The following SOAT1 variants were observed in gnomAD, a reference collection of about 807,000 sequenced individuals.
The protein encoded by SOAT1 is sterol O-acyltransferase 1, also known as acyl-coenzyme A:cholesterol acyltransferase 1.
SOAT1 carries 55 observed loss-of-function variants against 69.5 expected under a neutral mutation model. The observed-to-expected ratio is 0.79, with a 90% CI of 0.64 to 0.99. The LOEUF (loss-of-function observed/expected upper bound fraction) is 0.99, where lower values mean the gene tolerates loss of function less well. SOAT1 is among the 50% of genes least tolerant of loss of function. The pLI, the probability that SOAT1 is intolerant of heterozygous loss-of-function variation, is 0.00. For synonymous variants in SOAT1, 231 were observed against 224.7 expected (o/e 1.03, Z -0.25); for missense variants, 580 against 669.3 (o/e 0.87, Z 1.47).
chr1:179,353,345 G>C (rs1666813197), intron 15 of SOAT1, among the ~76,000 whole-genome samples: 1 of 149,060 alleles, frequency 6.7e-6, no homozygotes, highest in South Asian at 2.1e-4. Flanking sequence ...ACACAATTGT[G>C]TATAGTTTAC....
At chr1:179,294,036 C>G (rs796821137) in intron 1 of SOAT1, 100 bp downstream of exon 1, 19 of 147,244 alleles carry the variant, frequency 1.3e-4, no homozygotes, top group African/African-American at 4.7e-4. Flanking sequence ...AGCTCCGGCC[C>G]GGCCTTGTCC....
At chr1:179,320,066 A>G (rs546896283) in intron 2 of SOAT1, among the ~76,000 whole-genome samples, 1 of 152,252 alleles carries the variant, frequency 6.6e-6, no homozygotes, top group African/African-American at 2.4e-5. Context: ...AGTGACTTAA[A>G]TTTTGATAGA....
intron 3 of SOAT1, among the ~76,000 whole-genome samples, chr1:179,326,750 G>T (rs1013456103): frequency 6.6e-5 from 10 of 151,868 alleles, no homozygotes; most frequent in Non-Finnish European, 1.3e-4. Context: ...TAGAGGTGGG[G>T]TTTCACCATG....
At chr1:179,320,820 C>T (rs1294288988) in intron 2 of SOAT1, among the ~76,000 whole-genome samples, 1 of 152,080 alleles carries the variant, frequency 6.6e-6, no homozygotes, top group East Asian at 1.9e-4. Flanking sequence ...ACTGCAGCTT[C>T]CACCTCCCAG....
rs1041027527 is a variant in SOAT1, at chr1:179,302,923, T to A, written c.118+121T>A. ...GTAAATGGGTATTGATAGAGTTTTA[T>A]ATGTCTAGTAACAAAGCAATTAGAC... On this transcript the variant is annotated intron_variant, in intron 2 of 15. Coordinates refer to ENST00000367619, the MANE Select transcript of SOAT1 (RefSeq NM_003101.6). 10 of 530,752 alleles carry A rather than the reference T, an allele frequency of 1.9e-5. No homozygotes were observed. The African/African-American group carries it at 2.0e-4, about 10-fold the overall frequency. The allele number at this position is 530,752 out of a possible 1,614,324, so 32.9% of individuals were successfully genotyped here. A position where few individuals can be genotyped will look rare whatever the true frequency, so the allele number is the denominator to read the frequency against.
At chr1:179,352,147 T>C (rs1052042980) in intron 15 of SOAT1, among the ~76,000 whole-genome samples, 2 of 152,016 alleles carry the variant, frequency 1.3e-5, no homozygotes, top group Non-Finnish European at 2.9e-5. Context: ...CTGAGATCCT[T>C]CCATTTCTCT....
chr1:179,332,875 T>A (rs907555292), intron 3 of SOAT1, among the ~76,000 whole-genome samples: 12 of 152,186 alleles, frequency 7.9e-5, no homozygotes, highest in African/African-American at 4.8e-5. Context: ...CTCGTTATTG[T>A]CATCACTGCT....
chr1:179,298,336 C>T (rs1370662788), intron 1 of SOAT1, among the ~76,000 whole-genome samples: 1 of 152,124 alleles, frequency 6.6e-6, no homozygotes, highest in Admixed American at 6.5e-5. Context: ...GATCTGCCCA[C>T]CTCGGCCTCC....
intron 1 of SOAT1, among the ~76,000 whole-genome samples, chr1:179,294,564 G>A (rs573025897): frequency 1.3e-5 from 2 of 152,282 alleles, no homozygotes; most frequent in African/African-American, 2.4e-5. Flanking sequence ...ACGGAGTCTC[G>A]CTGTGTCGCA....
chr1:179,342,824 A>G, intron 8 of SOAT1, 38 bp from the exon 9 acceptor site: 1 of 1,489,274 alleles, frequency 6.7e-7, no homozygotes, highest in Non-Finnish European at 9.4e-7. Context: ...GTGAAAAATC[A>G]AAGAGCCTTT....
intron 3 of SOAT1, among the ~76,000 whole-genome samples, chr1:179,331,099 T>C (rs1234125879): frequency 6.6e-6 from 1 of 152,244 alleles, no homozygotes; most frequent in Non-Finnish European, 1.5e-5. Context: ...ACCTTTTTGC[T>C]ATGCAAGTGT....
At chr1:179,313,520 G>GTA (rs530350220) in intron 2 of SOAT1, among the ~76,000 whole-genome samples, 26 of 150,614 alleles carry the variant, frequency 1.7e-4, no homozygotes, top group Non-Finnish European at 2.8e-4. Flanking sequence ...GTATATATGT[G>GTA]TATATATATA....
intron 15 of SOAT1, among the ~76,000 whole-genome samples, 161 bp downstream of exon 15, chr1:179,351,623 T>G (rs13306733): frequency 2.6e-5 from 4 of 152,136 alleles, no homozygotes; most frequent in African/African-American, 7.2e-5. Context: ...TCTGATCTTA[T>G]TGTACTTGAA....
At chr1:179,324,820 T>TTTGA (rs199553299) in intron 3 of SOAT1, among the ~76,000 whole-genome samples, 1 of 152,114 alleles carries the variant, frequency 6.6e-6, no homozygotes, top group Non-Finnish European at 1.5e-5. Context: ...TGTTTGTTTG[T>TTTGA]TTTTGAGACA....
intron 3 of SOAT1, among the ~76,000 whole-genome samples, chr1:179,329,448 G>A (rs185194381): frequency 8.6e-4 from 131 of 152,094 alleles, no homozygotes; most frequent in Admixed American, 1.9e-3. Flanking sequence ...TTTTTGGTCC[G>A]GTCATGGTAG....
intron 13 of SOAT1, among the ~76,000 whole-genome samples, chr1:179,349,246 A>G (rs1666639723): frequency 6.6e-6 from 1 of 151,394 alleles, no homozygotes; most frequent in Non-Finnish European, 1.5e-5. Context: ...AATAATGGAT[A>G]GTTTCTTATG....
rs753881793 is a variant in SOAT1 at position 179,350,466 on chromosome 1, T to C, written c.1450+35T>C. 6 of 1,581,506 alleles carry C rather than the reference T, an allele frequency of 3.8e-6. No homozygotes were observed. In the Admixed American group the frequency reaches 7.9e-5, roughly 21 times the overall value. ...TTGGTATGCTGTGAGTACTGGGTACTATGCTAAAAAAGAAAACCAGATAGA... is the reference window on the plus strand; with the variant it reads ...TTGGTATGCTGTGAGTACTGGGTACCATGCTAAAAAAGAAAACCAGATAGA... On this transcript the variant is annotated intron_variant, in intron 14 of 15. Transcript: ENST00000367619.
At chr1:179,317,375 T>C (rs567986931) in intron 2 of SOAT1, among the ~76,000 whole-genome samples, 64 of 151,898 alleles carry the variant, frequency 4.2e-4, no homozygotes, top group African/African-American at 1.4e-3. Flanking sequence ...CTAGTAAAAA[T>C]ACAAAAAATT....
intron 2 of SOAT1, among the ~76,000 whole-genome samples, chr1:179,313,434 TCTTTTTA>T (rs1665285151): frequency 6.6e-6 from 1 of 152,120 alleles, no homozygotes. Flanking sequence ...GGCACCCATT[TCTTTTTA>T]CTTTTTAATG....
Sources: allele counts gnomAD v4.1 joint callset (sites outside exome capture counted in the v4.1 genomes callset), GRCh38; gene constraint gnomAD v4.1.1; transcripts MANE v1.5; gene names NCBI Gene and HGNC (gene_info 2026-07-23, HGNC 2026-07-21).